ADGRL3: variants seen among roughly 807,000 people sequenced by gnomAD.
ADGRL3 encodes the protein calcium-independent alpha-latrotoxin receptor 3.
ADGRL3 carries 62 observed loss-of-function variants against 153.5 expected under a neutral mutation model. The observed-to-expected ratio is 0.40, with a 90% CI of 0.33 to 0.50. The LOEUF is 0.50. Ranked by LOEUF, ADGRL3 falls within the 20% of genes least tolerant of loss-of-function variation. The pLI, the probability that ADGRL3 is intolerant of heterozygous loss-of-function variation, is 0.47. For missense variants in ADGRL3, 1,641 were observed against 1,859.4 expected (o/e 0.88, Z 2.16); for synonymous variants, 710 against 672.5 (o/e 1.06, Z -0.86).
chr4:61,857,621 G>GT (rs113363674), intron 9 of ADGRL3, among the ~76,000 whole-genome samples: 236 of 147,578 alleles, frequency 1.6e-3, no homozygotes, highest in South Asian at 0.013. Context: ...CAACTGTTGT[G>GT]TTTTTTTTTT....
rs1012113549 is a variant in ADGRL3 at position 61,726,199 on chromosome 4, C to CTTTTTTTTTTTTTTTTTTTTTTTTT, written c.584-4413_584-4412insTTTTTTTTTTTTTTTTTTTTTTTTT. On this transcript the variant is annotated intron_variant, in intron 6 of 26. Coordinates refer to ENST00000683033, the MANE Select transcript of ADGRL3 (RefSeq NM_001387552.1). The stretch of plus-strand genomic sequence containing the variant: ...TGCTCAAGGGAAATACTCACTGGAA[C>CTTTTTTTTTTTTTTTTTTTTTTTTT]TTTTTTTTTTGTTTTTTGAGAAGGA... Among the ~76,000 whole-genome samples, 36 of 82,938 alleles carry CTTTTTTTTTTTTTTTTTTTTTTTTT rather than the reference C, an allele frequency of 4.3e-4. 2 individuals are homozygous for CTTTTTTTTTTTTTTTTTTTTTTTTT. The highest frequency in any genetic ancestry group is 9.0e-4 in the African/African-American group (20 of 22,180). 54.4% of individuals were successfully genotyped at this position (82,938 alleles called of 152,430 possible). A position where few individuals can be genotyped will look rare whatever the true frequency, so the allele number is the denominator to read the frequency against.
At chr4:61,982,470 T>C (rs1450270611) in intron 18 of ADGRL3, among the ~76,000 whole-genome samples, 1 of 152,206 alleles carries the variant, frequency 6.6e-6, no homozygotes. Context: ...ATAAGGATCA[T>C]ACTCATCAAT....
intron 17 of ADGRL3, among the ~76,000 whole-genome samples, chr4:61,973,511 C>A (rs1484520404): frequency 6.6e-6 from 1 of 152,022 alleles, no homozygotes; most frequent in Admixed American, 6.6e-5. Context: ...ATAGAAATTT[C>A]ATAGAAAGCC....
At chr4:61,809,445 G>C (rs1001048255) in intron 8 of ADGRL3, among the ~76,000 whole-genome samples, 1 of 151,944 alleles carries the variant, frequency 6.6e-6, no homozygotes, top group Non-Finnish European at 1.5e-5. Flanking sequence ...TTAAAATTAG[G>C]TTTGAGCCTT....
intron 2 of ADGRL3, among the ~76,000 whole-genome samples, chr4:61,491,479 C>T (rs974857905): frequency 1.3e-5 from 2 of 152,064 alleles, no homozygotes; most frequent in Non-Finnish European, 2.9e-5. Flanking sequence ...ACACAAATCA[C>T]GATTACTTTG....
At chr4:61,271,823 G>C (rs2093198414) in intron 1 of ADGRL3, among the ~76,000 whole-genome samples, 1 of 151,900 alleles carries the variant, frequency 6.6e-6, no homozygotes, top group African/African-American at 2.4e-5. Flanking sequence ...ATAGTAAAAG[G>C]GTTTCCCTTT....
At chr4:61,435,053 T>C (rs2097427893) in intron 2 of ADGRL3, among the ~76,000 whole-genome samples, 1 of 152,090 alleles carries the variant, frequency 6.6e-6, no homozygotes, top group Non-Finnish European at 1.5e-5. Context: ...GTAGATGATA[T>C]TGAAGTAAAA....
In ADGRL3 at chr4:62,006,237, A is replaced by T. The variant is rs1465626116; in HGVS notation, c.3395+7972A>T. The stretch of plus-strand genomic sequence containing the variant: ...TTTTAGTAGAGATGGGGTTTCACCA[A>T]GTTGGCCAGACTGGTCTCGAATTCC... On this transcript the variant is annotated intron_variant, in intron 21 of 26. Transcript: ENST00000683033. Among the ~76,000 whole-genome samples the T allele has an allele frequency of 2.6e-5, 4 of 151,324 alleles. No homozygotes were observed. In the East Asian group the frequency reaches 7.8e-4, roughly 29 times the overall value.
chr4:61,544,519 C>A (rs1027601979), intron 4 of ADGRL3, among the ~76,000 whole-genome samples: 1 of 152,100 alleles, frequency 6.6e-6, no homozygotes. Context: ...CCTTTAGATA[C>A]ATGTGTACAG....
intron 1 of ADGRL3, among the ~76,000 whole-genome samples, chr4:61,372,927 G>T (rs530117976): frequency 3.9e-5 from 6 of 152,316 alleles, no homozygotes; most frequent in African/African-American, 9.6e-5. Flanking sequence ...ATATAATCTC[G>T]TGGTGCGCCC....
chr4:61,966,793 A>G (rs2099008526), intron 17 of ADGRL3, among the ~76,000 whole-genome samples: 1 of 152,132 alleles, frequency 6.6e-6, no homozygotes, highest in Admixed American at 6.5e-5. Context: ...TAGTATACAG[A>G]TGCTCCTCAG....
At chr4:61,571,534 G>A (rs1006584120) in intron 4 of ADGRL3, among the ~76,000 whole-genome samples, 2 of 151,696 alleles carry the variant, frequency 1.3e-5, no homozygotes, top group Admixed American at 1.3e-4. Context: ...AAAAGTCTCA[G>A]ACCTGAGGAA....
chr4:61,316,826 T>C (rs546357346), intron 1 of ADGRL3, among the ~76,000 whole-genome samples: 3 of 152,336 alleles, frequency 2.0e-5, no homozygotes, highest in Admixed American at 6.5e-5. Context: ...CATATTTTGC[T>C]AACAACATGT....
At chr4:61,655,502 A>G (rs1390934515) in intron 5 of ADGRL3, among the ~76,000 whole-genome samples, 1 of 152,186 alleles carries the variant, frequency 6.6e-6, no homozygotes, top group African/African-American at 2.4e-5. Context: ...AATTAAATTA[A>G]AAGTAAAAAA....
chr4:61,880,318 T>C (rs1052817938), intron 9 of ADGRL3, among the ~76,000 whole-genome samples: 1 of 152,240 alleles, frequency 6.6e-6, no homozygotes, highest in African/African-American at 2.4e-5. Context: ...ATACAAATAC[T>C]TAAGGTTCCT....
chr4:61,758,924 C>A (rs1004752513), intron 8 of ADGRL3, among the ~76,000 whole-genome samples: 1 of 152,152 alleles, frequency 6.6e-6, no homozygotes, highest in African/African-American at 2.4e-5. Context: ...TATTTTATTT[C>A]TCCTTCACTT....
intron 1 of ADGRL3, among the ~76,000 whole-genome samples, chr4:61,222,683 T>C (rs1477799569): frequency 6.6e-6 from 1 of 152,206 alleles, no homozygotes; most frequent in African/African-American, 2.4e-5. Context: ...TGGTAAAGAA[T>C]GAGGTTCCAT....
intron 1 of ADGRL3, among the ~76,000 whole-genome samples, chr4:61,207,627 A>G (rs1423490722): frequency 6.6e-6 from 1 of 152,122 alleles, no homozygotes; most frequent in Non-Finnish European, 1.5e-5. Context: ...TCACGACACC[A>G]TCTTCCACAA....
At chr4:61,494,279 T>G (rs996422003) in intron 2 of ADGRL3, among the ~76,000 whole-genome samples, 3 of 152,198 alleles carry the variant, frequency 2.0e-5, no homozygotes, top group African/African-American at 7.2e-5. Context: ...TTTTTGTGTA[T>G]GCACGTGTAT....
Sources: gnomAD v4.1 joint callset for allele counts (sites outside exome capture counted in the v4.1 genomes callset) on GRCh38, gnomAD v4.1.1 for gene constraint, MANE v1.5 for transcripts, NCBI Gene and HGNC (gene_info 2026-07-23, HGNC 2026-07-21) for gene names.